The following TMIGD3 variants were observed in gnomAD, a reference collection of about 807,000 sequenced individuals.
The protein encoded by TMIGD3 is transmembrane and immunoglobulin domain containing 3, also known as AD026 protein (AD026).
TMIGD3 carries 21 observed loss-of-function variants against 28.1 expected under a neutral mutation model. The observed-to-expected ratio is 0.75, with a 90% CI of 0.53 to 1.08. The LOEUF is 1.08. TMIGD3 is among the 50% of genes least tolerant of loss of function. TMIGD3 has a pLI of 0.00. For missense variants in TMIGD3, 416 were observed against 435.6 expected, an observed-to-expected ratio of 0.96 and a Z score of 0.40; for synonymous variants, 151 against 162.1, an observed-to-expected ratio of 0.93 and a Z score of 0.52.
rs761776555 is a variant in TMIGD3 at position 111,488,959 on chromosome 1, TG to T, written c.522del (p.Cys174Ter). The T allele has an allele frequency of 6.2e-7, 1 of 1,614,156 alleles. No homozygotes were observed. The highest frequency in any genetic ancestry group is 8.5e-7 in the Non-Finnish European group (1 of 1,180,018). On this transcript the variant is annotated frameshift_variant, in exon 3 of 6. Coordinates refer to ENST00000369716, the MANE Select transcript of TMIGD3 (RefSeq NM_020683.7). LOFTEE classifies it high-confidence loss of function. ...TGATTCTTGTAGTGGGCATTGTAGT[TG>T]CAGATGGCAGAAGCCGTGTCCAGCA... Reference protein sequence around the residue: ...SFVLDTASAICNYNAHYKNHP... With the variant: ...SFVLDTASAIXNYNAHYKNHP...
In TMIGD3 at chr1:111,488,887, T is replaced by C. The variant is rs144785307; in HGVS notation, c.595A>G (p.Ile199Val). 1.6e-5 allele frequency: 26 copies of C among 1,614,040 alleles called. No individual in the cohort carries two copies. The highest frequency in any genetic ancestry group is 2.7e-5 in the African/African-American group (2 of 74,902). Residue 199 changes from isoleucine (I) to valine (V), a missense_variant, in exon 3 of 6, where the codon ATC (isoleucine) becomes GTC (valine). Ile to Val is a conservative substitution (Grantham distance 29). Coordinates refer to ENST00000369716, the MANE Select transcript of TMIGD3 (RefSeq NM_020683.7). ...RGYFRDYCNI[I>V]AFSPNSTNHV... Reference sequence around the variant, plus strand: ...TTGGTGCTGTTAGGGGAGAAGGCGATGATGTTGCAGTAGTCACGGAAATAG... The same window carrying C: ...TTGGTGCTGTTAGGGGAGAAGGCGACGATGTTGCAGTAGTCACGGAAATAG...
At chr1:111,531,572 T>C (rs1656461196) in intron 1 of TMIGD3, among the ~76,000 whole-genome samples, 3 of 152,220 alleles carry the variant, frequency 2.0e-5, no homozygotes. Context: ...TTTCTGGGTC[T>C]GCTTCTTTTT....
chr1:111,518,107 G>A (rs1450942848), intron 1 of TMIGD3, among the ~76,000 whole-genome samples: 1 of 152,178 alleles, frequency 6.6e-6, no homozygotes, highest in Non-Finnish European at 1.5e-5. Flanking sequence ...GGCTCCAGAG[G>A]AACCACTTTT....
chr1:111,489,092 G>GCTCCTGCC, intron 2 of TMIGD3, 68 bp from the exon 3 acceptor site: 1 of 1,404,300 alleles, frequency 7.1e-7, no homozygotes, highest in South Asian at 1.3e-5. Flanking sequence ...AAACATTGCA[G>GCTCCTGCC]CTCCTGCCCT....
intron 1 of TMIGD3, among the ~76,000 whole-genome samples, chr1:111,530,134 C>T (rs985368089): frequency 4.6e-5 from 7 of 152,146 alleles, no homozygotes; most frequent in Non-Finnish European, 8.8e-5. Flanking sequence ...TCTTTTGTGT[C>T]GGCTCATTAG....
At position 111,490,642 on chromosome 1, in the gene TMIGD3, G is replaced by T; in HGVS notation, c.457+14C>A. On this transcript the variant is annotated intron_variant, in intron 2 of 5. Transcript: ENST00000369716. ...CAGCTTAAAGGGCTGGAGCTGTTCCGTCCCCCATCCTACCTGAAATGAGAG... is the reference window on the plus strand; with the variant it reads ...CAGCTTAAAGGGCTGGAGCTGTTCCTTCCCCCATCCTACCTGAAATGAGAG... The T allele has an allele frequency of 6.3e-7, 1 of 1,592,792 alleles. No individual in the cohort carries two copies. Among genetic ancestry groups the T allele is most frequent in the Non-Finnish European group, 8.6e-7 (1 of 1,160,958 alleles).
chr1:111,487,300 A>T (rs1051998913), intron 3 of TMIGD3, among the ~76,000 whole-genome samples: 1 of 152,204 alleles, frequency 6.6e-6, no homozygotes, highest in African/African-American at 2.4e-5. Context: ...GTGGGTGTGA[A>T]CGATGTTACA....
At chr1:111,493,149 G>A (rs1027618541) in intron 1 of TMIGD3, among the ~76,000 whole-genome samples, 1 of 152,154 alleles carries the variant, frequency 6.6e-6, no homozygotes, top group Non-Finnish European at 1.5e-5. Flanking sequence ...CAGGATAATA[G>A]ATAAATAAGG....
chr1:111,542,698 T>G (rs1162116618), intron 1 of TMIGD3, among the ~76,000 whole-genome samples: 1 of 3,556 alleles, frequency 2.8e-4, no homozygotes, highest in Non-Finnish European at 0.024. Context: ...TTGTTTTTGT[T>G]TTTTTTTTCT....
chr1:111,487,807 T>A (rs1364502839), intron 3 of TMIGD3, among the ~76,000 whole-genome samples: 3 of 152,152 alleles, frequency 2.0e-5, no homozygotes, highest in Non-Finnish European at 4.4e-5. Flanking sequence ...CTGTAAATTA[T>A]TATTATTATT....
intron 1 of TMIGD3, among the ~76,000 whole-genome samples, chr1:111,543,074 T>C (rs926128836): frequency 1.3e-5 from 2 of 152,140 alleles, no homozygotes; most frequent in African/African-American, 4.8e-5. Flanking sequence ...GGTTATAAAA[T>C]CTGGAATATT....
At chr1:111,530,609 T>G (rs10776729) in intron 1 of TMIGD3, among the ~76,000 whole-genome samples, 22,539 of 152,206 alleles carry the variant, frequency 0.15, 1,900 homozygotes, top group East Asian at 0.46. Flanking sequence ...TGACAAATTT[T>G]TTTCTTTCAG....
chr1:111,539,992 A>G (rs879774140), intron 1 of TMIGD3, among the ~76,000 whole-genome samples: 4 of 152,220 alleles, frequency 2.6e-5, no homozygotes, highest in Non-Finnish European at 4.4e-5. Flanking sequence ...TAGCTTTAGA[A>G]ACTTAGCGAT....
intron 1 of TMIGD3, among the ~76,000 whole-genome samples, chr1:111,531,857 T>C (rs1356897916): frequency 6.6e-6 from 1 of 152,192 alleles, no homozygotes; most frequent in Non-Finnish European, 1.5e-5. Context: ...TGGCTTCCTA[T>C]AAATATTTAT....
At chr1:111,556,562 T>A (rs925253860) in intron 1 of TMIGD3, among the ~76,000 whole-genome samples, 2 of 152,086 alleles carry the variant, frequency 1.3e-5, no homozygotes, top group Non-Finnish European at 2.9e-5. Flanking sequence ...TAAAATATTA[T>A]CCAGCCTTAA....
At chr1:111,486,098 T>A (rs1051240057) in intron 4 of TMIGD3, among the ~76,000 whole-genome samples, 1 of 152,086 alleles carries the variant, frequency 6.6e-6, no homozygotes, top group South Asian at 2.1e-4. Context: ...GAGAATCCAG[T>A]CTCAGACTGG....
chr1:111,489,565 A>G, intron 2 of TMIGD3: 2 of 1,074,494 alleles, frequency 1.9e-6, no homozygotes, highest in Non-Finnish European at 2.3e-6. Context: ...AAACTAATAA[A>G]GCAACTCTGG....
chr1:111,534,924 G>A (rs145854153), intron 1 of TMIGD3, among the ~76,000 whole-genome samples: 338 of 152,152 alleles, frequency 2.2e-3, no homozygotes, highest in African/African-American at 7.6e-3. Flanking sequence ...GCTGTATTCC[G>A]AACTAAAACA....
rs1284544882 is a variant in TMIGD3 at position 111,493,808 on chromosome 1, T to C, written c.351-3046A>G. 2.0e-5 allele frequency among the ~76,000 whole-genome samples: 3 copies of C among 152,300 alleles called. No individual in the cohort carries two copies. In the East Asian group the frequency reaches 5.8e-4, roughly 29 times the overall value. On this transcript the variant is annotated intron_variant, in intron 1 of 5. Transcript: ENST00000369716. ...GGTAAATCTGGGAGGAAAACAAACATTGTGCTGCTTTCCCAATAGTTATAA... is the reference window on the plus strand; with the variant it reads ...GGTAAATCTGGGAGGAAAACAAACACTGTGCTGCTTTCCCAATAGTTATAA...
Sources: gnomAD v4.1 joint callset for allele counts (sites outside exome capture counted in the v4.1 genomes callset) on GRCh38, gnomAD v4.1.1 for gene constraint, MANE v1.5 for transcripts, NCBI Gene and HGNC (gene_info 2026-07-23, HGNC 2026-07-21) for gene names.